ATG7: variants seen among roughly 807,000 people sequenced by gnomAD.
ATG7 encodes autophagy related 7.
A neutral mutation model predicts 82.4 loss-of-function variants in ATG7; 70 were observed. The observed-to-expected ratio is 0.85, with a 90% CI of 0.70 to 1.04. ATG7 has a LOEUF of 1.04. Among genes scored for constraint, ATG7 ranks in the 50% least tolerant of loss-of-function variants. ATG7 has a pLI of 0.00. For synonymous variants in ATG7, 287 were observed against 313.0 expected, an observed-to-expected ratio of 0.92 and a Z score of 0.88; for missense variants, 792 against 864.3, an observed-to-expected ratio of 0.92 and a Z score of 1.05.
At position 11,282,227 on chromosome 3, in the gene ATG7, A is replaced by G. The variant is rs1054241086; in HGVS notation, c.-222A>G. ...ACCCCATAATGCTGGTATCCAGTGC[A>G]TCCGTTCTCAAAAACTGAAGCTGAT... On this transcript the variant is annotated 5_prime_UTR_variant, in exon 3 of 21. Coordinates refer to ENST00000693202, the MANE Select transcript of ATG7 (RefSeq NM_001349232.2). 6.6e-6 allele frequency: 1 copy of G among 152,192 alleles called. No homozygotes were observed. The highest frequency in any genetic ancestry group is 1.5e-5 in the Non-Finnish European group (1 of 68,042). 9.4% of individuals were successfully genotyped at this position (152,192 alleles called of 1,614,324 possible). A position where few individuals can be genotyped will look rare whatever the true frequency, so the allele number is the denominator to read the frequency against.
the ATG7 span, among the ~76,000 whole-genome samples, chr3:11,574,781 ATATATG>A: frequency 1.2e-4 from 14 of 120,948 alleles, no homozygotes; most frequent in African/African-American, 4.3e-4. Context: ...CAATTCAACT[ATATATG>A]TGTGTGTGTG....
chr3:11,460,883 A>G (rs914789376), intron 20 of ATG7, among the ~76,000 whole-genome samples: 2 of 152,226 alleles, frequency 1.3e-5, no homozygotes, highest in African/African-American at 2.4e-5. Context: ...GATTCCATCC[A>G]TGTGTATGGA....
chr3:11,385,188 C>T (rs1230082192), intron 19 of ATG7, among the ~76,000 whole-genome samples: 1 of 152,116 alleles, frequency 6.6e-6, no homozygotes, highest in Non-Finnish European at 1.5e-5. Context: ...CGCCACCACA[C>T]CCAGCTAATT....
chr3:11,299,326 A>G (rs1257410590), intron 4 of ATG7, 36 bp from the exon 5 acceptor site: 1 of 1,583,238 alleles, frequency 6.3e-7, no homozygotes, highest in Non-Finnish European at 8.7e-7. Flanking sequence ...GCTATTTCTG[A>G]CTTGTCATTG....
chr3:11,275,607 C>G (rs1360359194), intron 1 of ATG7, among the ~76,000 whole-genome samples: 1 of 151,546 alleles, frequency 6.6e-6, no homozygotes, highest in East Asian at 1.9e-4. Context: ...ATCCGCCTGC[C>G]TCAGCCTCTC....
At chr3:11,352,285 T>C (rs960685850) in intron 14 of ATG7, among the ~76,000 whole-genome samples, 4 of 152,200 alleles carry the variant, frequency 2.6e-5, no homozygotes, top group Admixed American at 6.5e-5. Context: ...AAGTCTTTGC[T>C]ATTGTGAATA....
chr3:11,349,781 A>C (rs1446839696), intron 14 of ATG7, among the ~76,000 whole-genome samples: 1 of 152,234 alleles, frequency 6.6e-6, no homozygotes, highest in African/African-American at 2.4e-5. Context: ...TTATGAAATT[A>C]AATTGAATGC....
chr3:11,318,897 CA>C (rs1282963301), intron 9 of ATG7, among the ~76,000 whole-genome samples: 1 of 152,208 alleles, frequency 6.6e-6, no homozygotes, highest in Non-Finnish European at 1.5e-5. Flanking sequence ...TTGCTTGCGC[CA>C]TTTCATTTCT....
intron 3 of ATG7, among the ~76,000 whole-genome samples, chr3:11,294,100 C>T (rs773758251): frequency 6.0e-5 from 9 of 151,140 alleles, no homozygotes; most frequent in Non-Finnish European, 1.2e-4. Flanking sequence ...CAAAAACCAA[C>T]AGTAGAAGAA....
At chr3:11,400,674 T>C (rs1482038984) in intron 19 of ATG7, among the ~76,000 whole-genome samples, 2 of 152,130 alleles carry the variant, frequency 1.3e-5, no homozygotes, top group African/African-American at 4.8e-5. Flanking sequence ...AGTTAGTTTA[T>C]GAGAATAACC....
chr3:11,284,110 C>G (rs1943534401), intron 3 of ATG7, among the ~76,000 whole-genome samples: 1 of 151,860 alleles, frequency 6.6e-6, no homozygotes, highest in African/African-American at 2.4e-5. Flanking sequence ...TTGTTTTTTT[C>G]TCTCCCTCTG....
chr3:11,535,274 C>T (rs542380260), intron 20 of ATG7, among the ~76,000 whole-genome samples: 13 of 152,360 alleles, frequency 8.5e-5, no homozygotes, highest in Middle Eastern at 3.4e-3. Context: ...TGCCTGGTGT[C>T]ATCTGAGGTG....
At chr3:11,489,023 C>T (rs2090071437) in intron 20 of ATG7, among the ~76,000 whole-genome samples, 1 of 151,908 alleles carries the variant, frequency 6.6e-6, no homozygotes, top group South Asian at 2.1e-4. Flanking sequence ...GCTGTGAATC[C>T]ATCTGGTCCT....
intron 9 of ATG7, among the ~76,000 whole-genome samples, chr3:11,325,409 C>T (rs562219287): frequency 1.4e-4 from 22 of 152,276 alleles, no homozygotes; most frequent in Middle Eastern, 3.4e-3. Context: ...TGGTGGCTCA[C>T]GCCTGTAATC....
At chr3:11,333,182 A>G in intron 11 of ATG7, 89 bp downstream of exon 11, 3 of 1,411,288 alleles carry the variant, frequency 2.1e-6, no homozygotes, top group Non-Finnish European at 2.8e-6. Flanking sequence ...TCACAATGGC[A>G]GAAGAAAGGA....
At position 11,455,371 on chromosome 3, in the gene ATG7, G is replaced by T. The variant is rs76540286; in HGVS notation, c.2079+28445G>T. On this transcript the variant is annotated intron_variant, in intron 20 of 20. Coordinates refer to ENST00000693202, the MANE Select transcript of ATG7 (RefSeq NM_001349232.2). ...CAATTCTAGAATAATGTGGTTTAGA[G>T]TAGTCAGTTTCTGCAGGTGATTCCT... Among the ~76,000 whole-genome samples the T allele has an allele frequency of 2.1e-3, 321 of 152,294 alleles. 1 individual carries two copies. Among genetic ancestry groups the T allele is most frequent in the African/African-American group, 7.4e-3 (306 of 41,556 alleles).
chr3:11,375,760 A>G (rs2077371253), intron 18 of ATG7, among the ~76,000 whole-genome samples: 1 of 152,162 alleles, frequency 6.6e-6, no homozygotes, highest in Non-Finnish European at 1.5e-5. Flanking sequence ...GGGTTTCACC[A>G]TGTTTGCCAG....
chr3:11,476,884 C>T (rs2088311409), intron 20 of ATG7, among the ~76,000 whole-genome samples: 1 of 152,156 alleles, frequency 6.6e-6, no homozygotes, highest in Non-Finnish European at 1.5e-5. Flanking sequence ...TGTTGAGCAT[C>T]TGGATTAAAG....
intron 20 of ATG7, among the ~76,000 whole-genome samples, chr3:11,507,426 C>G (rs1467249698): frequency 6.6e-6 from 1 of 152,052 alleles, no homozygotes. Context: ...ATTAATACAT[C>G]AAATAATGAT....
Sources: gnomAD v4.1 joint callset for allele counts (sites outside exome capture counted in the v4.1 genomes callset) on GRCh38, gnomAD v4.1.1 for gene constraint, MANE v1.5 for transcripts, NCBI Gene and HGNC (gene_info 2026-07-23, HGNC 2026-07-21) for gene names.